The following MBNL2 variants were observed in gnomAD, a reference collection of about 807,000 sequenced individuals.
MBNL2 encodes the protein muscleblind-like protein 2.
MBNL2 carries 17 observed loss-of-function variants against 41.9 expected under a neutral mutation model. The observed-to-expected ratio is 0.41, with a 90% CI of 0.28 to 0.61. MBNL2 has a LOEUF of 0.61. MBNL2 is among the 20% of genes least tolerant of loss of function. MBNL2 has a pLI of 0.35. For synonymous variants in MBNL2, 195 were observed against 182.9 expected (o/e 1.07, Z -0.53); for missense variants, 336 against 505.6 (o/e 0.66, Z 3.22).
At chr13:97,157,628 C>A in the MBNL2 span, among the ~76,000 whole-genome samples, 15,151 of 150,076 alleles carry the variant, frequency 0.1, 878 homozygotes, top group South Asian at 0.16. Flanking sequence ...TTGTCAAAGG[C>A]CTTTTCTGCA....
Position 97,293,470 on chromosome 13 carries a change from C to T in MBNL2, c.174+17061C>T, listed in dbSNP as rs1256508785. 2.0e-5 allele frequency among the ~76,000 whole-genome samples: 3 copies of T among 152,162 alleles called. No homozygotes were observed. The East Asian group carries it at 5.8e-4, about 29-fold the overall frequency. On this transcript the variant is annotated intron_variant, in intron 2 of 8. Coordinates refer to ENST00000679496, the MANE Select transcript of MBNL2 (RefSeq NM_001382683.1). ...TGATGATCAATGTTTGTACCTGGTA[C>T]ATGACACTTGAGAAGATGCATTTCC...
At chr13:97,172,317 C>G in the MBNL2 span, among the ~76,000 whole-genome samples, 1 of 152,124 alleles carries the variant, frequency 6.6e-6, no homozygotes. Flanking sequence ...ATTTTGTTCT[C>G]CAGGTAAAGT....
At chr13:97,371,339 G>T (rs1178523967) in intron 8 of MBNL2, among the ~76,000 whole-genome samples, 1 of 152,034 alleles carries the variant, frequency 6.6e-6, no homozygotes, top group Non-Finnish European at 1.5e-5. Context: ...CCCCCAGCAA[G>T]AAGTACTTTC....
Position 97,268,485 on chromosome 13 carries a change from A to G in MBNL2, c.-604-7147A>G, listed in dbSNP as rs901898179. 3.9e-5 allele frequency among the ~76,000 whole-genome samples: 6 copies of G among 152,124 alleles called. No individual in the cohort carries two copies. Among genetic ancestry groups the G allele is most frequent in the African/African-American group, 1.4e-4 (6 of 41,428 alleles). ...CACTTTAAAAACCGCTGGACTAAAG[A>G]TCTGGGCATTGAGGCTCACGGTGTG... On this transcript the variant is annotated intron_variant, in intron 1 of 8. Transcript: ENST00000679496. This position sits in a 1 kb window ranked among gnomAD's most constrained non-coding sequence, Gnocchi z 4.6.
the MBNL2 span, among the ~76,000 whole-genome samples, chr13:97,163,343 T>A: frequency 6.6e-6 from 1 of 152,282 alleles, no homozygotes; most frequent in East Asian, 1.9e-4. Context: ...AGGCTTTCCC[T>A]AGAGCAGCCT....
chr13:97,184,709 G>A, the MBNL2 span, among the ~76,000 whole-genome samples: 1 of 152,122 alleles, frequency 6.6e-6, no homozygotes. Context: ...TCTTGGGCTG[G>A]GTGTGGTGGC....
chr13:97,350,277 TAGTC>T (rs1375917114), intron 5 of MBNL2, among the ~76,000 whole-genome samples: 6 of 152,348 alleles, frequency 3.9e-5, no homozygotes, highest in Non-Finnish European at 7.3e-5. Context: ...TGCTAACCAA[TAGTC>T]AGAGCTTTTA....
the MBNL2 span, among the ~76,000 whole-genome samples, chr13:97,148,724 A>G: frequency 0.01 from 1,578 of 152,292 alleles, 21 homozygotes; most frequent in African/African-American, 0.036. Context: ...GGGAAATATC[A>G]ATATATTTAT....
At chr13:97,174,563 G>A in the MBNL2 span, among the ~76,000 whole-genome samples, 1 of 152,204 alleles carries the variant, frequency 6.6e-6, no homozygotes, top group Non-Finnish European at 1.5e-5. Context: ...ATAGGGAGAT[G>A]CTAACAAAAA....
At chr13:97,198,996 A>G in the MBNL2 span, among the ~76,000 whole-genome samples, 1 of 152,090 alleles carries the variant, frequency 6.6e-6, no homozygotes, top group Admixed American at 6.6e-5. Flanking sequence ...GACTCAGAGG[A>G]CAAGCCATAG....
chr13:97,264,360 A>G (rs1017219102), intron 1 of MBNL2, among the ~76,000 whole-genome samples: 3 of 152,152 alleles, frequency 2.0e-5, no homozygotes, highest in African/African-American at 7.2e-5. Context: ...TAGGAACTTC[A>G]TCAGAAATTA....
the MBNL2 span, among the ~76,000 whole-genome samples, chr13:97,178,609 T>C: frequency 2.6e-5 from 4 of 152,100 alleles, no homozygotes; most frequent in Admixed American, 2.6e-4. Context: ...AGAAATACAA[T>C]AGTAAGCCAG....
the MBNL2 span, among the ~76,000 whole-genome samples, chr13:97,156,986 G>A: frequency 3.3e-5 from 5 of 150,636 alleles, no homozygotes; most frequent in African/African-American, 4.9e-5. Context: ...ACCTTGGGCA[G>A]TATGGCCATT....
At chr13:97,152,577 C>T in the MBNL2 span, among the ~76,000 whole-genome samples, 3 of 152,122 alleles carry the variant, frequency 2.0e-5, no homozygotes, top group African/African-American at 7.2e-5. Flanking sequence ...TTCAGAATAG[C>T]ATCAGACTTC....
At chr13:97,191,950 T>C in the MBNL2 span, among the ~76,000 whole-genome samples, 1 of 152,192 alleles carries the variant, frequency 6.6e-6, no homozygotes, top group Non-Finnish European at 1.5e-5. Flanking sequence ...AGTCATAATT[T>C]GGGTGTTTAT....
intron 2 of MBNL2, among the ~76,000 whole-genome samples, chr13:97,321,454 C>T (rs1333572569): frequency 1.3e-5 from 2 of 152,174 alleles, no homozygotes; most frequent in Non-Finnish European, 2.9e-5. Context: ...CCATCGAGTG[C>T]ATTATCATGC....
At chr13:97,251,319 T>A (rs547051776) in intron 1 of MBNL2, among the ~76,000 whole-genome samples, 11 of 152,072 alleles carry the variant, frequency 7.2e-5, no homozygotes, top group African/African-American at 2.7e-4. Context: ...CAATTTACCC[T>A]GATGTGATTA....
chr13:97,382,594 G>A (rs557175111), intron 8 of MBNL2, among the ~76,000 whole-genome samples: 1 of 152,002 alleles, frequency 6.6e-6, no homozygotes, highest in East Asian at 1.9e-4. Flanking sequence ...TCTCGGGCCT[G>A]CTTCTGGGTA....
chr13:97,170,677 A>G, the MBNL2 span, among the ~76,000 whole-genome samples: 1 of 152,108 alleles, frequency 6.6e-6, no homozygotes. Flanking sequence ...AGGTGGAGCC[A>G]TGGGTATCAG....
Sources: allele counts gnomAD v4.1 joint callset (sites outside exome capture counted in the v4.1 genomes callset), GRCh38; gene constraint gnomAD v4.1.1; non-coding constraint Gnocchi (gnomAD v3.1); transcripts MANE v1.5; gene names NCBI Gene and HGNC (gene_info 2026-07-23, HGNC 2026-07-21).